The following FUT8 variants were observed in gnomAD, a reference collection of about 807,000 sequenced individuals.
FUT8 encodes fucosyltransferase 8.
Under a neutral mutation model 71.3 loss-of-function variants are expected in FUT8, and 29 were observed. That is an observed-to-expected ratio of 0.41 (90% CI 0.30 to 0.55). The LOEUF (loss-of-function observed/expected upper bound fraction) is 0.55. Ranked by LOEUF, FUT8 falls within the 20% of genes least tolerant of loss-of-function variation. FUT8 has a pLI of 0.34. For synonymous variants in FUT8, 254 were observed against 239.3 expected, an observed-to-expected ratio of 1.06 and a Z score of -0.57; for missense variants, 544 against 702.1, an observed-to-expected ratio of 0.77 and a Z score of 2.55.
At chr14:65,492,271 T>G (rs566294574) in intron 2 of FUT8, among the ~76,000 whole-genome samples, 2 of 152,340 alleles carry the variant, frequency 1.3e-5, no homozygotes, top group African/African-American at 4.8e-5. Flanking sequence ...AGCTGCCTTC[T>G]TACTTCAGTT....
chr14:65,664,432 A>T (rs1892111756), intron 6 of FUT8, among the ~76,000 whole-genome samples: 2 of 152,166 alleles, frequency 1.3e-5, no homozygotes, highest in Admixed American at 6.5e-5. Flanking sequence ...TTTTCAAAGA[A>T]TCAGCAACTC....
At chr14:65,359,510 C>T in the FUT8 span, among the ~76,000 whole-genome samples, 1 of 152,200 alleles carries the variant, frequency 6.6e-6, no homozygotes, top group Non-Finnish European at 1.5e-5. Flanking sequence ...ATTCTCCCCT[C>T]CCCTCAGCTC....
intron 2 of FUT8, among the ~76,000 whole-genome samples, chr14:65,531,684 T>TG (rs1020850440): frequency 2.1e-4 from 32 of 152,246 alleles, no homozygotes; most frequent in African/African-American, 7.5e-4. Flanking sequence ...ACTTGTGTTA[T>TG]GGGGGGTTTG....
chr14:65,602,402 C>CTA (rs1888347363), intron 3 of FUT8, among the ~76,000 whole-genome samples: 1 of 133,830 alleles, frequency 7.5e-6, no homozygotes, highest in Non-Finnish European at 1.6e-5. Context: ...CACACACACA[C>CTA]AGTTTCTTTA....
At chr14:65,374,418 T>C in the FUT8 span, among the ~76,000 whole-genome samples, 2 of 152,314 alleles carry the variant, frequency 1.3e-5, no homozygotes, top group African/African-American at 4.8e-5. Context: ...CTTTCCTCTA[T>C]ACCTCCACTT....
chr14:65,667,520 G>C (rs1281212411), intron 6 of FUT8, among the ~76,000 whole-genome samples: 1 of 152,018 alleles, frequency 6.6e-6, no homozygotes, highest in Non-Finnish European at 1.5e-5. Context: ...AAAGAAATCA[G>C]AGATGACACA....
At position 65,724,187 on chromosome 14, in the gene FUT8, G is replaced by A. The variant is rs1304258268; in HGVS notation, c.1123G>A (p.Ala375Thr). 2 of 1,606,724 alleles carry A rather than the reference G, an allele frequency of 1.2e-6. No individual in the cohort carries two copies. The highest frequency in any genetic ancestry group is 2.2e-5 in the East Asian group (1 of 44,580). Residue 375 changes from alanine (A) to threonine (T), a missense_variant, in exon 9 of 11, where the codon GCC (alanine) becomes ACC (threonine). By Grantham distance (58) the Ala-to-Thr change is moderately conservative. Coordinates refer to ENST00000673929, the MANE Select transcript of FUT8 (RefSeq NM_001371533.1). ...RRTDKVGTEAAFHPIEEYMVH... is the reference protein window; with the variant it reads ...RRTDKVGTEATFHPIEEYMVH... Reference sequence around the variant, plus strand: ...CACAGACAAAGTGGGAACAGAAGCTGCCTTCCATCCCATTGAAGAGTACAT... The same window carrying A: ...CACAGACAAAGTGGGAACAGAAGCTACCTTCCATCCCATTGAAGAGTACAT...
intron 6 of FUT8, among the ~76,000 whole-genome samples, chr14:65,658,073 G>A (rs758651561): frequency 2.6e-5 from 4 of 152,076 alleles, no homozygotes; most frequent in Non-Finnish European, 4.4e-5. Flanking sequence ...CATGTCCAAC[G>A]AAGGCATGTA....
At chr14:65,619,269 G>A (rs527820336) in intron 5 of FUT8, among the ~76,000 whole-genome samples, 3 of 152,274 alleles carry the variant, frequency 2.0e-5, no homozygotes, top group Non-Finnish European at 4.4e-5. Flanking sequence ...CACGATGCCT[G>A]TGTTGTTTCC....
intron 7 of FUT8, among the ~76,000 whole-genome samples, chr14:65,691,624 G>T (rs984208800): frequency 4.7e-5 from 7 of 148,862 alleles, no homozygotes; most frequent in South Asian, 4.2e-4. Context: ...TTTATTTATT[G>T]ATCATTCTTG....
chr14:65,707,693 A>T (rs1028717195), intron 7 of FUT8, among the ~76,000 whole-genome samples: 1 of 152,282 alleles, frequency 6.6e-6, no homozygotes, highest in East Asian at 1.9e-4. Context: ...ATTCCTCTGC[A>T]TATCCAGTTT....
chr14:65,519,099 C>A (rs528261263), intron 2 of FUT8, among the ~76,000 whole-genome samples: 1 of 151,844 alleles, frequency 6.6e-6, no homozygotes, highest in Non-Finnish European at 1.5e-5. Context: ...ATGTAATAGG[C>A]GCTTAAAAAT....
intron 2 of FUT8, among the ~76,000 whole-genome samples, chr14:65,502,959 C>T (rs1329268065): frequency 2.0e-5 from 3 of 152,194 alleles, no homozygotes; most frequent in Non-Finnish European, 4.4e-5. Context: ...TTTTAACTCC[C>T]TTCCCTCCCT....
At chr14:65,432,976 G>A (rs1384087033) in intron 1 of FUT8, among the ~76,000 whole-genome samples, 5 of 151,584 alleles carry the variant, frequency 3.3e-5, no homozygotes, top group African/African-American at 4.9e-5. Context: ...CTGTGGACTC[G>A]CCCTGAATTC....
upstream of FUT8, chr14:65,410,775 T>C (rs72714425): frequency 6.6e-6 from 1 of 152,014 alleles, no homozygotes; most frequent in African/African-American, 2.4e-5. Context: ...TTCTTTTTTT[T>C]AAATTTTATT....
At chr14:65,407,806 T>C (rs1335534508), upstream of FUT8, among the ~76,000 whole-genome samples, 2 of 152,232 alleles carry the variant, frequency 1.3e-5, no homozygotes, top group African/African-American at 4.8e-5. Flanking sequence ...GCAAGGGTTT[T>C]CTATCTGTCT....
At chr14:65,503,096 C>G (rs556933285) in intron 2 of FUT8, among the ~76,000 whole-genome samples, 10 of 152,166 alleles carry the variant, frequency 6.6e-5, no homozygotes, top group Non-Finnish European at 1.3e-4. Context: ...TTTAGTAGAG[C>G]TATTTATAGC....
intron 5 of FUT8, among the ~76,000 whole-genome samples, chr14:65,618,063 A>T (rs909534287): frequency 2.5e-5 from 3 of 118,092 alleles, no homozygotes; most frequent in Non-Finnish European, 3.8e-5. Context: ...ATGTATGTAT[A>T]TATTTATTTA....
chr14:65,733,192 G>T, intron 9 of FUT8, 39 bp from the exon 10 acceptor site: 1 of 1,346,400 alleles, frequency 7.4e-7, no homozygotes, highest in Non-Finnish European at 1.0e-6. Context: ...AGGATACTGT[G>T]ATATCTATGA....
Sources: gnomAD v4.1 joint callset for allele counts (sites outside exome capture counted in the v4.1 genomes callset) on GRCh38, gnomAD v4.1.1 for gene constraint, MANE v1.5 for transcripts, NCBI Gene and HGNC (gene_info 2026-07-23, HGNC 2026-07-21) for gene names.